FBXL17: variants seen among roughly 807,000 people sequenced by gnomAD.
FBXL17 encodes the protein F-box/LRR-repeat protein 17.
Under a neutral mutation model 66.2 loss-of-function variants are expected in FBXL17, and 22 were observed. The observed-to-expected ratio is 0.33, with a 90% CI of 0.24 to 0.47. The LOEUF (loss-of-function observed/expected upper bound fraction) is 0.47, where lower values mean the gene tolerates loss of function less well. Ranked by LOEUF, FBXL17 falls within the 20% of genes least tolerant of loss-of-function variation. The probability of loss-of-function intolerance (pLI) is 1.00; values close to 1 mark genes in which losing one functional copy is unlikely to be tolerated. For synonymous variants in FBXL17, 474 were observed against 400.5 expected, an observed-to-expected ratio of 1.18 and a Z score of -2.19; for missense variants, 878 against 948.2, an observed-to-expected ratio of 0.93 and a Z score of 0.97.
intron 5 of FBXL17, among the ~76,000 whole-genome samples, chr5:108,209,964 T>A (rs922238061): frequency 6.6e-6 from 1 of 152,192 alleles, no homozygotes; most frequent in African/African-American, 2.4e-5. Flanking sequence ...GTTGGCAGAC[T>A]ATTAATTACT....
intron 7 of FBXL17, among the ~76,000 whole-genome samples, chr5:107,983,644 T>A (rs1752908344): frequency 6.6e-6 from 1 of 151,962 alleles, no homozygotes; most frequent in African/African-American, 2.4e-5. Flanking sequence ...TAAAACCATA[T>A]CCTCTCGGGT....
chr5:108,107,268 C>T (rs1749837759), intron 6 of FBXL17, among the ~76,000 whole-genome samples: 1 of 152,112 alleles, frequency 6.6e-6, no homozygotes, highest in African/African-American at 2.4e-5. Flanking sequence ...GACAGAGTTT[C>T]TCCATGTTGG....
At chr5:108,188,719 T>A (rs186271831) in intron 5 of FBXL17, among the ~76,000 whole-genome samples, 19 of 152,248 alleles carry the variant, frequency 1.2e-4, no homozygotes, top group African/African-American at 4.1e-4. Context: ...TCCTCAAGGT[T>A]CACCTTACTG....
In FBXL17 at chr5:107,898,260, G is replaced by A. The variant is rs1463463551; in HGVS notation, c.1823-17081C>T. On this transcript the variant is annotated intron_variant, in intron 7 of 8. Coordinates refer to ENST00000542267, the MANE Select transcript of FBXL17 (RefSeq NM_001163315.3). Reference sequence around the variant, plus strand: ...TACCATAAACACTTTTAGTGAAAAAGGAAAACAGACAACAATTATGCTGTA... The same window carrying A: ...TACCATAAACACTTTTAGTGAAAAAAGAAAACAGACAACAATTATGCTGTA... 2.0e-5 allele frequency among the ~76,000 whole-genome samples: 3 copies of A among 151,968 alleles called. No homozygotes were observed. In the East Asian group the frequency reaches 5.8e-4, roughly 29 times the overall value.
At chr5:108,299,280 A>G (rs1758480491) in intron 4 of FBXL17, 1 of 984,890 alleles carries the variant, frequency 1.0e-6, no homozygotes, top group Non-Finnish European at 1.2e-6. Context: ...CCTCTCTTCT[A>G]TTTCCAAATT....
At chr5:108,326,329 A>C (rs543242639) in intron 4 of FBXL17, among the ~76,000 whole-genome samples, 8 of 152,260 alleles carry the variant, frequency 5.3e-5, no homozygotes, top group African/African-American at 1.9e-4. Context: ...GCAGTGGCTC[A>C]CATCTGTAAT....
chr5:108,291,886 C>T (rs2150163267), intron 4 of FBXL17, among the ~76,000 whole-genome samples: 1 of 152,242 alleles, frequency 6.6e-6, no homozygotes, highest in East Asian at 1.9e-4. Flanking sequence ...TGCTGGCTGA[C>T]TCTACTTCCT....
chr5:107,992,730 A>C (rs1753302265), intron 7 of FBXL17, among the ~76,000 whole-genome samples: 1 of 152,160 alleles, frequency 6.6e-6, no homozygotes, highest in South Asian at 2.1e-4. Context: ...GCAACAATTA[A>C]CCCATAAACA....
intron 6 of FBXL17, among the ~76,000 whole-genome samples, chr5:108,046,471 G>T (rs1008283769): frequency 6.6e-6 from 1 of 152,106 alleles, no homozygotes; most frequent in Admixed American, 6.5e-5. Context: ...GCTTATGTTT[G>T]CAGTTTCATT....
chr5:108,025,684 C>CACACACACACACACACACAA, intron 6 of FBXL17, among the ~76,000 whole-genome samples: 2 of 137,716 alleles, frequency 1.5e-5, no homozygotes, highest in South Asian at 2.2e-4. Flanking sequence ...AACACATACA[C>CACACACACACACACACACAA]ACACACACAC....
intron 4 of FBXL17, among the ~76,000 whole-genome samples, chr5:108,337,609 A>G (rs532877616): frequency 6.6e-6 from 1 of 152,234 alleles, no homozygotes; most frequent in East Asian, 1.9e-4. Context: ...TAATTCTCAA[A>G]GAGTATTTGC....
intron 6 of FBXL17, among the ~76,000 whole-genome samples, chr5:108,110,342 A>C (rs962293268): frequency 6.6e-6 from 1 of 152,250 alleles, no homozygotes; most frequent in African/African-American, 2.4e-5. Context: ...ACTAAAGTAC[A>C]TATTTCTAAA....
chr5:107,932,642 C>T (rs543909328), intron 7 of FBXL17, among the ~76,000 whole-genome samples: 10 of 152,016 alleles, frequency 6.6e-5, no homozygotes, highest in East Asian at 1.9e-4. Context: ...CTTTAGCATA[C>T]GGTGAAAAAA....
intron 4 of FBXL17, among the ~76,000 whole-genome samples, chr5:108,264,833 C>T (rs1368416259): frequency 1.3e-5 from 2 of 151,002 alleles, no homozygotes; most frequent in African/African-American, 4.9e-5. Flanking sequence ...ATAAACCGGT[C>T]AATTACTTTC....
intron 4 of FBXL17, among the ~76,000 whole-genome samples, chr5:108,284,028 C>CA (rs1243816447): frequency 2.6e-5 from 4 of 151,524 alleles, no homozygotes; most frequent in African/African-American, 9.7e-5. Context: ...ATCAAAAAGA[C>CA]AAAAAATAAT....
chr5:108,066,753 TTTATAA>T (rs1748131066), intron 6 of FBXL17, among the ~76,000 whole-genome samples: 1 of 151,956 alleles, frequency 6.6e-6, no homozygotes, highest in African/African-American at 2.4e-5. Flanking sequence ...ATCAGTTGTT[TTTATAA>T]TTATAATGTT....
At position 108,224,149 on chromosome 5, in the gene FBXL17, GTGAC is replaced by G. The variant is rs1754992331; in HGVS notation, c.1582_1585del (p.Val528LeufsTer8). 6.2e-7 allele frequency: 1 copy of G among 1,610,020 alleles called. No homozygotes were observed. The highest frequency in any genetic ancestry group is 1.3e-5 in the African/African-American group (1 of 74,836). On this transcript the variant is annotated frameshift_variant, in exon 5 of 9. Coordinates refer to ENST00000542267, the MANE Select transcript of FBXL17 (RefSeq NM_001163315.3). LOFTEE classifies it high-confidence loss of function. ...GGTTAGGTGAATGACTCCTTTAGAA[GTGAC>G]TGAACAACCCATGAAGCCTACATAT...
chr5:108,058,776 C>T (rs1747811354), intron 6 of FBXL17, among the ~76,000 whole-genome samples: 1 of 152,216 alleles, frequency 6.6e-6, no homozygotes, highest in Non-Finnish European at 1.5e-5. Context: ...TTCTTCCTAA[C>T]ACTGAATTCA....
intron 4 of FBXL17, among the ~76,000 whole-genome samples, chr5:108,319,183 A>G (rs1196094294): frequency 1.3e-5 from 2 of 151,944 alleles, no homozygotes; most frequent in East Asian, 3.8e-4. Context: ...TATAGAAGAA[A>G]TCTAGTTCTT....
Sources: gnomAD v4.1 joint callset for allele counts (sites outside exome capture counted in the v4.1 genomes callset) on GRCh38, gnomAD v4.1.1 for gene constraint, MANE v1.5 for transcripts, NCBI Gene and HGNC (gene_info 2026-07-23, HGNC 2026-07-21) for gene names.